The following GSR variants were observed in gnomAD, a reference collection of about 807,000 sequenced individuals.
GSR encodes glutathione-disulfide reductase.
GSR carries 48 observed loss-of-function variants against 56.5 expected under a neutral mutation model. That is an observed-to-expected ratio of 0.85 (90% CI 0.67 to 1.08). GSR has a LOEUF of 1.08. Ranked by LOEUF, GSR falls within the 50% of genes least tolerant of loss-of-function variation. The probability of loss-of-function intolerance (pLI) is 0.00; values close to 1 mark genes in which losing one functional copy is unlikely to be tolerated. For synonymous variants in GSR, 264 were observed against 270.8 expected (o/e 0.97, Z 0.25); for missense variants, 694 against 703.3 (o/e 0.99, Z 0.15).
chr8:30,717,569 G>T (rs1804378253), intron 1 of GSR, among the ~76,000 whole-genome samples: 6 of 152,116 alleles, frequency 3.9e-5, no homozygotes, highest in Admixed American at 3.9e-4. Flanking sequence ...GGCGGCATTA[G>T]ATTCTCATAG....
chr8:30,709,271 G>A (rs2128745862), intron 3 of GSR, among the ~76,000 whole-genome samples: 1 of 152,070 alleles, frequency 6.6e-6, no homozygotes, highest in East Asian at 1.9e-4. Context: ...AGGCTGAAGT[G>A]GGAGGATAGC....
At chr8:30,696,587 C>A (rs1803551308) in intron 6 of GSR, 108 bp from the exon 7 acceptor site, 1 of 764,052 alleles carries the variant, frequency 1.3e-6, no homozygotes, top group Non-Finnish European at 2.4e-6. Flanking sequence ...TTATTATACC[C>A]CTTGATCAGT....
At position 30,700,267 on chromosome 8, in the gene GSR, T is replaced by G. The variant is rs1407755732; in HGVS notation, c.641-132A>C. 2.3e-5 allele frequency: 17 copies of G among 738,254 alleles called. No homozygotes were observed. In the East Asian group the frequency reaches 4.5e-4, roughly 19 times the overall value. The allele number at this position is 738,254 out of a possible 1,614,324, so 45.7% of individuals were successfully genotyped here. On this transcript the variant is annotated intron_variant, in intron 5 of 12. Coordinates refer to ENST00000221130, the MANE Select transcript of GSR (RefSeq NM_000637.5). ...TCCGTTTTGACAAGTTTTGTTAAAGTCTCTGCTTGGAAAGCTGCCAACCAA... is the reference window on the plus strand; with the variant it reads ...TCCGTTTTGACAAGTTTTGTTAAAGGCTCTGCTTGGAAAGCTGCCAACCAA...
chr8:30,691,346 C>A (rs1308572749), intron 8 of GSR, among the ~76,000 whole-genome samples: 1 of 147,696 alleles, frequency 6.8e-6, no homozygotes, highest in African/African-American at 2.5e-5. Context: ...CAGAGCAAGA[C>A]CCTGTCTCAA....
chr8:30,709,886 G>T lies in GSR; in HGVS notation c.350C>A (p.Ala117Asp). Residue 117 changes from alanine to aspartate, a missense_variant, in exon 3 of 13, where the codon GCT (alanine) becomes GAT (aspartate). Physicochemically the swap from Ala to Asp is moderately radical, Grantham distance 126 (BLOSUM62 -2). Transcript: ENST00000221130. ...CVPKKVMWNT[A>D]VHSEFMHDHA... ...ATCATGCATGAATTCAGAGTGGACA[G>T]CTGTGTTCCACATTACCTGTAAAAA... 4.0e-6 allele frequency: 6 copies of T among 1,509,272 alleles called. No individual in the cohort carries two copies. The highest frequency in any genetic ancestry group is 5.5e-6 in the Non-Finnish European group (6 of 1,093,372). The allele number at this position is 1,509,272 out of a possible 1,614,324, so 93.5% of individuals were successfully genotyped here.
rs749133803 is a variant in GSR at position 30,679,586 on chromosome 8, C to T, written c.1503G>A (p.Lys501=). The T allele has an allele frequency of 3.0e-5, 48 of 1,614,008 alleles. No homozygotes were observed. Among genetic ancestry groups the T allele is most frequent in the Non-Finnish European group, 4.1e-5 (48 of 1,180,000 alleles). Reference sequence around the variant, plus strand: ...TGGCGACTGTGTTGTCAAAGTCTGCCTTCGTTGCTCCCATCTTCACTGCAA... The same window carrying T: ...TGGCGACTGTGTTGTCAAAGTCTGCTTTCGTTGCTCCCATCTTCACTGCAA... ...FAVAVKMGAT[K]ADFDNTVAIH... Residue 501 remains lysine (K), a synonymous_variant, in exon 13 of 13, where the codon AAG becomes AAA. Coordinates refer to ENST00000221130, the MANE Select transcript of GSR (RefSeq NM_000637.5).
Position 30,699,232 on chromosome 8 carries a change from C to G in GSR, c.695+849G>C, listed in dbSNP as rs926713328. 1.5e-4 allele frequency among the ~76,000 whole-genome samples: 23 copies of G among 152,008 alleles called. 1 individual carries two copies. Among genetic ancestry groups the G allele is most frequent in the Admixed American group, 6.6e-5 (1 of 15,244 alleles). Reference sequence around the variant, plus strand: ...CTTGAGCCCAAGAGCTCAAGGCTACCACAAGCCATGATGGCACCACTGCAC... The same window carrying G: ...CTTGAGCCCAAGAGCTCAAGGCTACGACAAGCCATGATGGCACCACTGCAC... On this transcript the variant is annotated intron_variant, in intron 6 of 12. Transcript: ENST00000221130.
At position 30,684,167 on chromosome 8, in the gene GSR, G is replaced by A. The variant is rs375554786; in HGVS notation, c.1074C>T (p.Ile358=). ...CGTTGGTATTCTGGAATTCGTCTAC[G>A]ATGATATGACCCTTGTCATCGGTTT... ...GIQTDDKGHI[I]VDEFQNTNVK... Residue 358 remains isoleucine, a synonymous_variant, in exon 10 of 13, where the codon ATC becomes ATT. Coordinates refer to ENST00000221130, the MANE Select transcript of GSR (RefSeq NM_000637.5). 16 of 1,607,026 alleles carry A rather than the reference G, an allele frequency of 1.0e-5. No individual in the cohort carries two copies. In the East Asian group the frequency reaches 2.0e-4, roughly 20 times the overall value.
intron 6 of GSR, among the ~76,000 whole-genome samples, chr8:30,696,866 T>A (rs1235823821): frequency 6.6e-6 from 1 of 152,122 alleles, no homozygotes; most frequent in Non-Finnish European, 1.5e-5. Context: ...CAGCTAAGTT[T>A]TATATTTTCT....
At chr8:30,718,597 C>A (rs1458853719) in intron 1 of GSR, among the ~76,000 whole-genome samples, 1 of 152,080 alleles carries the variant, frequency 6.6e-6, no homozygotes, top group African/African-American at 2.4e-5. Context: ...ATCAGCTGAT[C>A]ACAAAGGAAG....
chr8:30,690,871 C>T lies in GSR; in HGVS notation c.883-1552G>A, dbSNP rs7816217. ...CTTGAGCTCATGAGTTTGAGAACAG[C>T]CTGGGCAACATAGTGAGACTCCATG... On this transcript the variant is annotated intron_variant, in intron 8 of 12. Coordinates refer to ENST00000221130, the MANE Select transcript of GSR (RefSeq NM_000637.5). 3.7e-3 allele frequency among the ~76,000 whole-genome samples: 560 copies of T among 152,148 alleles called. 4 individuals carry two copies. Among genetic ancestry groups the T allele is most frequent in the Middle Eastern group, 0.01 (3 of 294 alleles).
chr8:30,695,481 G>A (rs759441952), intron 7 of GSR, among the ~76,000 whole-genome samples: 3 of 152,064 alleles, frequency 2.0e-5, no homozygotes, highest in Middle Eastern at 6.8e-3. Context: ...TGATCCGCCC[G>A]CCTCAGCCTC....
intron 1 of GSR, among the ~76,000 whole-genome samples, chr8:30,723,517 G>A (rs374672763): frequency 6.6e-5 from 10 of 151,808 alleles, no homozygotes; most frequent in African/African-American, 2.2e-4. Flanking sequence ...CATGCCAGAC[G>A]CGGTGGCTCA....
Position 30,678,508 on chromosome 8 carries a change from A to C in GSR, c.*1012T>G, listed in dbSNP as rs1802823190. The C allele has an allele frequency of 6.6e-6, 1 of 151,714 alleles. No individual in the cohort carries two copies. Among genetic ancestry groups the C allele is most frequent in the Non-Finnish European group, 1.5e-5 (1 of 67,966 alleles). 9.4% of individuals were successfully genotyped at this position (151,714 alleles called of 1,614,324 possible). On this transcript the variant is annotated 3_prime_UTR_variant, in exon 13 of 13. Coordinates refer to ENST00000221130, the MANE Select transcript of GSR (RefSeq NM_000637.5). ...CCCAAGTAGCTGAGATTACAGATGC[A>C]CATCACCACACTCGGGTAATTTTTT...
At chr8:30,685,409 A>G (rs1260270961) in intron 9 of GSR, among the ~76,000 whole-genome samples, 2 of 152,126 alleles carry the variant, frequency 1.3e-5, no homozygotes, top group Non-Finnish European at 1.5e-5. Context: ...ATTTCTATGA[A>G]GCTTACCATT....
chr8:30,723,067 G>A (rs2551697), intron 1 of GSR, among the ~76,000 whole-genome samples: 114,838 of 151,722 alleles, frequency 0.76, 48,482 homozygotes, highest in Non-Finnish European at 0.94. Context: ...ACAGGAACCT[G>A]GTTATTCTTA....
Position 30,708,156 on chromosome 8 carries a change from A to G in GSR, c.423-15T>C. The G allele has an allele frequency of 6.3e-7, 1 of 1,592,330 alleles. No homozygotes were observed. The highest frequency in any genetic ancestry group is 8.6e-7 in the Non-Finnish European group (1 of 1,160,286). ...CCTTAATAACACTGCAATGAAACCC[A>G]AGTCAGTATTCAGAAACAGGATCTT... On this transcript the variant is annotated splice_polypyrimidine_tract_variant and intron_variant, in intron 3 of 12. Transcript: ENST00000221130.
At chr8:30,701,585 T>A (rs962216807) in intron 5 of GSR, among the ~76,000 whole-genome samples, 49 of 150,710 alleles carry the variant, frequency 3.3e-4, no homozygotes, top group African/African-American at 1.1e-3. Context: ...AGGTCAGGAG[T>A]TTGAGACTGG....
At chr8:30,700,752 C>T (rs987700644) in intron 5 of GSR, among the ~76,000 whole-genome samples, 8 of 70,896 alleles carry the variant, frequency 1.1e-4, no homozygotes, top group African/African-American at 2.5e-4. Context: ...AAAAAAAAAT[C>T]GACGTGGCCC....
Sources: gnomAD v4.1 joint callset for allele counts (sites outside exome capture counted in the v4.1 genomes callset) on GRCh38, gnomAD v4.1.1 for gene constraint, MANE v1.5 for transcripts, NCBI Gene and HGNC (gene_info 2026-07-23, HGNC 2026-07-21) for gene names.